The following EBF4 variants were observed in gnomAD, a reference collection of about 807,000 sequenced individuals.
The protein encoded by EBF4 is EBF transcription factor 4.
A neutral mutation model predicts 67.1 loss-of-function variants in EBF4; 34 were observed. That is an observed-to-expected ratio of 0.51 (90% confidence interval 0.39 to 0.67). The LOEUF (loss-of-function observed/expected upper bound fraction) is 0.67, where lower values mean the gene tolerates loss of function less well. Ranked by LOEUF, EBF4 falls within the 30% of genes least tolerant of loss-of-function variation. EBF4 has a pLI of 0.00. For synonymous variants in EBF4, 387 were observed against 377.7 expected, an observed-to-expected ratio of 1.02 and a Z score of -0.29; for missense variants, 837 against 873.3, an observed-to-expected ratio of 0.96 and a Z score of 0.52.
intron 1 of EBF4, among the ~76,000 whole-genome samples, chr20:2,694,987 T>C (rs1438670360): frequency 3.3e-5 from 5 of 152,152 alleles, no homozygotes; most frequent in African/African-American, 1.2e-4. Context: ...AAATAAAAAA[T>C]TTAGTCCCTC....
Position 2,755,956 on chromosome 20 carries a change from AGAGCAGG to A in EBF4, c.1738+137_1738+143del, listed in dbSNP as rs2146521426. 2.1e-6 allele frequency: 2 copies of A among 972,998 alleles called. No individual in the cohort carries two copies. Among genetic ancestry groups the A allele is most frequent in the South Asian group, 3.4e-5 (2 of 58,646 alleles). The allele number at this position is 972,998 out of a possible 1,614,324, so 60.3% of individuals were successfully genotyped here. The stretch of plus-strand genomic sequence containing the variant: ...CTAACCTGCTCTTCTTGGAGGACGG[AGAGCAGG>A]GAGCTCTGCTGGGGTCCAGGGAGGT... On this transcript the variant is annotated intron_variant, in intron 15 of 16. Coordinates refer to ENST00000609451, the Ensembl canonical transcript of EBF4. This position sits in a 1 kb window ranked among gnomAD's most constrained non-coding sequence, Gnocchi z 4.7.
chr20:2,744,075 ATTTTT>A (rs370848824), intron 6 of EBF4, among the ~76,000 whole-genome samples: 1 of 102,346 alleles, frequency 9.8e-6, no homozygotes, highest in African/African-American at 4.0e-5. Context: ...GTTTTTATTT[ATTTTT>A]TTTATTTTTT....
chr20:2,706,279 A>G lies in EBF4; in HGVS notation c.414+15A>G, dbSNP rs1204717621. The G allele has an allele frequency of 1.9e-6, 3 of 1,551,610 alleles. No individual in the cohort carries two copies. The highest frequency in any genetic ancestry group is 3.9e-5 in the Admixed American group (2 of 50,976). ...TGTCCAAACAGGTGAGTCAGCGCAG[A>G]GGGTGCTGAGGCCCATCTCACTCTC... On this transcript the variant is annotated intron_variant, in intron 4 of 16. Coordinates refer to ENST00000609451, the Ensembl canonical transcript of EBF4.
chr20:2,759,161 G>A, intron 16 of EBF4, 107 bp from the exon 17 acceptor site: 1 of 637,864 alleles, frequency 1.6e-6, no homozygotes, highest in Non-Finnish European at 2.7e-6. Context: ...GAGGTACTTG[G>A]CCCACCCCAG....
chr20:2,708,094 C>A, intron 5 of EBF4, 74 bp downstream of exon 5: 1 of 1,451,286 alleles, frequency 6.9e-7, no homozygotes, highest in Non-Finnish European at 9.3e-7. Context: ...GGCCCTGCCC[C>A]CTCGCCGCCC....
chr20:2,717,901 C>T lies in EBF4; in HGVS notation c.557+8259C>T, dbSNP rs1198431946. On this transcript the variant is annotated intron_variant, in intron 6 of 16. Coordinates refer to ENST00000609451, the Ensembl canonical transcript of EBF4. ...TTGCAGCTTACTGCAACCTCTGCCTCCTGGGTTCAAGTGATTCTCCTGCCT... is the reference window on the plus strand; with the variant it reads ...TTGCAGCTTACTGCAACCTCTGCCTTCTGGGTTCAAGTGATTCTCCTGCCT... Among the ~76,000 whole-genome samples the T allele has an allele frequency of 2.0e-5, 3 of 151,828 alleles. No homozygotes were observed. In the East Asian group the frequency reaches 5.8e-4, roughly 29 times the overall value.
intron 6 of EBF4, among the ~76,000 whole-genome samples, chr20:2,711,880 A>G (rs779771697): frequency 2.6e-5 from 4 of 152,218 alleles, no homozygotes; most frequent in Non-Finnish European, 5.9e-5. Flanking sequence ...AGGGTATTTA[A>G]GGTCTCACTG....
chr20:2,758,012 T>C (rs1241547754), intron 15 of EBF4, among the ~76,000 whole-genome samples: 1 of 152,252 alleles, frequency 6.6e-6, no homozygotes, highest in Non-Finnish European at 1.5e-5. Flanking sequence ...TTTATTTAAC[T>C]CATCAGTGAG....
In EBF4 at chr20:2,750,043, C is replaced by T. The variant is rs542076112; in HGVS notation, c.1018+70C>T. ...GAGCCCCACCCTGCGCACTGGTCTCCGTTCTTGGTGATAGGAGTTAGCCGA... is the reference window on the plus strand; with the variant it reads ...GAGCCCCACCCTGCGCACTGGTCTCTGTTCTTGGTGATAGGAGTTAGCCGA... On this transcript the variant is annotated intron_variant, in intron 10 of 16. Transcript: ENST00000609451. The T allele has an allele frequency of 2.3e-4, 347 of 1,478,518 alleles. 1 individual carries two copies. The African/African-American group carries it at 4.2e-3, about 18-fold the overall frequency. The allele number at this position is 1,478,518 out of a possible 1,614,324, so 91.6% of individuals were successfully genotyped here. A position where few individuals can be genotyped will look rare whatever the true frequency, so the allele number is the denominator to read the frequency against.
intron 1 of EBF4, among the ~76,000 whole-genome samples, chr20:2,705,326 C>A (rs1600203980): frequency 1.3e-5 from 2 of 152,326 alleles, no homozygotes; most frequent in East Asian, 3.9e-4. Context: ...AGGGCCTCCT[C>A]CTTTGCAGTC....
At chr20:2,746,016 C>T (rs567987712) in intron 6 of EBF4, among the ~76,000 whole-genome samples, 10 of 152,290 alleles carry the variant, frequency 6.6e-5, no homozygotes, top group Admixed American at 2.0e-4. Flanking sequence ...CATCTAGCAC[C>T]TGCCAAAGGA....
chr20:2,726,970 C>T (rs2087754796), intron 6 of EBF4, among the ~76,000 whole-genome samples: 1 of 152,092 alleles, frequency 6.6e-6, no homozygotes, highest in African/African-American at 2.4e-5. Flanking sequence ...TGCCATCCTA[C>T]CCTCTGTTTC....
chr20:2,730,350 C>T (rs2087797461), intron 6 of EBF4, among the ~76,000 whole-genome samples: 2 of 152,166 alleles, frequency 1.3e-5, no homozygotes, highest in South Asian at 2.1e-4. Flanking sequence ...CCTTCATCTT[C>T]ACAGTGCCTC....
intron 6 of EBF4, among the ~76,000 whole-genome samples, chr20:2,748,271 G>A (rs1019526075): frequency 6.6e-6 from 1 of 152,106 alleles, no homozygotes; most frequent in Non-Finnish European, 1.5e-5. Context: ...TACTGTGTGG[G>A]AGTGCTAAGT....
intron 6 of EBF4, 127 bp downstream of exon 6, chr20:2,709,769 G>C: frequency 1.0e-6 from 1 of 985,868 alleles, no homozygotes; most frequent in African/African-American, 1.7e-5. Flanking sequence ...AGGTTGGGTG[G>C]CTCTGAGCAG....
At chr20:2,727,511 G>T (rs2087761477) in intron 6 of EBF4, among the ~76,000 whole-genome samples, 1 of 152,124 alleles carries the variant, frequency 6.6e-6, no homozygotes. Flanking sequence ...TTTTTAATCT[G>T]CATTTGGTTA....
intron 1 of EBF4, 74 bp from the exon 2 acceptor site, chr20:2,705,503 G>C (rs2087439205): frequency 6.5e-7 from 1 of 1,546,536 alleles, no homozygotes; most frequent in Non-Finnish European, 8.8e-7. Flanking sequence ...TAGCATGCCT[G>C]CCTGGCCCGA....
intron 6 of EBF4, among the ~76,000 whole-genome samples, chr20:2,737,167 G>A (rs866912280): frequency 1.5e-4 from 22 of 150,902 alleles, no homozygotes; most frequent in South Asian, 4.2e-4. Context: ...GGAGAATGGC[G>A]TGAACCCGGG....
At chr20:2,708,329 C>T (rs1043928438) in intron 5 of EBF4, among the ~76,000 whole-genome samples, 12 of 152,166 alleles carry the variant, frequency 7.9e-5, no homozygotes, top group Admixed American at 4.6e-4. Context: ...GCTGGGGTTG[C>T]GGGAACAGGG....
Sources: gnomAD v4.1 joint callset for allele counts (sites outside exome capture counted in the v4.1 genomes callset) on GRCh38, gnomAD v4.1.1 for gene constraint, Gnocchi (gnomAD v3.1) non-coding constraint, MANE v1.5 for transcripts, NCBI Gene and HGNC (gene_info 2026-07-23, HGNC 2026-07-21) for gene names.